The following ORC4 variants were observed in gnomAD, a reference collection of about 807,000 sequenced individuals.
The protein encoded by ORC4 is origin recognition complex subunit 4.
ORC4 carries 55 observed loss-of-function variants against 63.9 expected under a neutral mutation model. That is an observed-to-expected ratio of 0.86 (90% CI 0.69 to 1.08). The LOEUF is 1.08. ORC4 is among the 50% of genes least tolerant of loss of function. The pLI, the probability that ORC4 is intolerant of heterozygous loss-of-function variation, is 0.00. For synonymous variants in ORC4, 150 were observed against 168.5 expected, an observed-to-expected ratio of 0.89 and a Z score of 0.85; for missense variants, 511 against 504.4, an observed-to-expected ratio of 1.01 and a Z score of -0.13.
At chr2:147,958,622 C>G in intron 5 of ORC4, 169 bp downstream of exon 5, 2 of 575,258 alleles carry the variant, frequency 3.5e-6, no homozygotes, top group Non-Finnish European at 3.1e-6. Context: ...TCTGCGACTC[C>G]TTCATTATTA....
intron 13 of ORC4, 29 bp from the exon 14 acceptor site, chr2:147,935,727 G>C: frequency 6.4e-7 from 1 of 1,573,612 alleles, no homozygotes; most frequent in South Asian, 1.1e-5. Context: ...AGTTTAGGTT[G>C]AATAGGAGAG....
chr2:147,994,645 C>T (rs1691821707), intron 1 of ORC4, among the ~76,000 whole-genome samples: 1 of 152,194 alleles, frequency 6.6e-6, no homozygotes, highest in Non-Finnish European at 1.5e-5. Flanking sequence ...CATGCCAAAA[C>T]ATGAATTGAC....
chr2:148,014,820 T>A (rs1284870475), intron 1 of ORC4, among the ~76,000 whole-genome samples: 2 of 152,126 alleles, frequency 1.3e-5, no homozygotes, highest in African/African-American at 4.8e-5. Flanking sequence ...GTGTAGGCCG[T>A]ATGCAAACAT....
At chr2:148,003,920 A>G (rs551332304) in intron 1 of ORC4, among the ~76,000 whole-genome samples, 1 of 152,344 alleles carries the variant, frequency 6.6e-6, no homozygotes, top group African/African-American at 2.4e-5. Flanking sequence ...GTGTCAGGAT[A>G]CAAAATCAAT....
Position 147,975,993 on chromosome 2 carries a change from T to C in ORC4, c.-17-18A>G, listed in dbSNP as rs959406669. 6.0e-6 allele frequency: 7 copies of C among 1,166,360 alleles called. No individual in the cohort carries two copies. Among genetic ancestry groups the C allele is most frequent in the African/African-American group, 1.5e-5 (1 of 66,746 alleles). The allele number at this position is 1,166,360 out of a possible 1,614,324, so 72.3% of individuals were successfully genotyped here. On this transcript the variant is annotated intron_variant, in intron 1 of 13. Transcript: ENST00000392857. ...TTCAAATCCTTTAAAAAAATTGGCATAAATATTATAAACGTAGTGACTTAA... is the reference window on the plus strand; with the variant it reads ...TTCAAATCCTTTAAAAAAATTGGCACAAATATTATAAACGTAGTGACTTAA...
intron 1 of ORC4, among the ~76,000 whole-genome samples, chr2:148,003,091 G>C (rs2105439753): frequency 6.6e-6 from 1 of 152,124 alleles, no homozygotes; most frequent in South Asian, 2.1e-4. Flanking sequence ...TAGACCAATA[G>C]CAAGTTCTGA....
rs1687752918 is a variant in ORC4, at chr2:147,931,755, A to C, written c.*3755T>G. On this transcript the variant is annotated 3_prime_UTR_variant, in exon 14 of 14. Coordinates refer to ENST00000392857, the MANE Select transcript of ORC4 (RefSeq NM_181741.4). ...GAAAAAGCCTTTGACAAAATTCAAC[A>C]ACCCTTCATGCTAAAAACTCTCAAT... 1 of 152,114 alleles carries C rather than the reference A, an allele frequency of 6.6e-6. No individual in the cohort carries two copies. The highest frequency in any genetic ancestry group is 2.4e-5 in the African/African-American group (1 of 41,412). The allele number at this position is 152,114 out of a possible 1,614,324, so 9.4% of individuals were successfully genotyped here.
intron 4 of ORC4, among the ~76,000 whole-genome samples, chr2:147,967,507 GAA>G (rs889618584): frequency 6.9e-6 from 1 of 144,118 alleles, no homozygotes. Flanking sequence ...CAAACTACCC[GAA>G]AAAAAAAAAT....
At chr2:147,973,382 T>G in intron 3 of ORC4, 66 bp downstream of exon 3, 1 of 939,614 alleles carries the variant, frequency 1.1e-6, no homozygotes, top group Non-Finnish European at 1.8e-6. Context: ...TGTACAATAA[T>G]TTTTGCAAAA....
At position 147,938,404 on chromosome 2, in the gene ORC4, A is replaced by C. The variant is rs1382456612; in HGVS notation, c.959-11T>G. 6.8e-7 allele frequency: 1 copy of C among 1,465,570 alleles called. No individual in the cohort carries two copies. The highest frequency in any genetic ancestry group is 9.6e-7 in the Non-Finnish European group (1 of 1,046,536). The allele number at this position is 1,465,570 out of a possible 1,614,324, so 90.8% of individuals were successfully genotyped here. On this transcript the variant is annotated splice_polypyrimidine_tract_variant and intron_variant, in intron 11 of 13. Transcript: ENST00000392857. ...CCAAGACTGATAGACCTACAGTAAA[A>C]GGGAAAAAAAACTATCAGTTTAATG...
chr2:147,931,120 T>C lies in ORC4; in HGVS notation c.*4390A>G, dbSNP rs1301128246. ...GAATATGCGGTGTTTGGTTTTTTGTTCTTGTGATAGTTTACTGAGAATGAT... is the reference window on the plus strand; with the variant it reads ...GAATATGCGGTGTTTGGTTTTTTGTCCTTGTGATAGTTTACTGAGAATGAT... On this transcript the variant is annotated 3_prime_UTR_variant, in exon 14 of 14. Coordinates refer to ENST00000392857, the MANE Select transcript of ORC4 (RefSeq NM_181741.4). 1.3e-5 allele frequency: 2 copies of C among 149,388 alleles called. No individual in the cohort carries two copies. The highest frequency in any genetic ancestry group is 2.2e-4 in the South Asian group (1 of 4,606). 9.3% of individuals were successfully genotyped at this position (149,388 alleles called of 1,614,324 possible). A position where few individuals can be genotyped will look rare whatever the true frequency, so the allele number is the denominator to read the frequency against.
chr2:147,985,088 C>T (rs1228462697), intron 1 of ORC4, among the ~76,000 whole-genome samples: 1 of 152,172 alleles, frequency 6.6e-6, no homozygotes, highest in African/African-American at 2.4e-5. Flanking sequence ...AGATCCAAAC[C>T]CTCACTCAGA....
intron 1 of ORC4, among the ~76,000 whole-genome samples, chr2:147,981,014 C>T (rs1444331728): frequency 2.0e-5 from 3 of 152,134 alleles, no homozygotes; most frequent in Non-Finnish European, 4.4e-5. Flanking sequence ...GGTATATATA[C>T]ACAATAGAAC....
chr2:147,937,191 A>C (rs1230921761), intron 13 of ORC4, among the ~76,000 whole-genome samples: 1 of 152,128 alleles, frequency 6.6e-6, no homozygotes, highest in Non-Finnish European at 1.5e-5. Flanking sequence ...ACAAGAAATG[A>C]AATTCTGGTT....
In ORC4 at chr2:148,001,363, G is replaced by A. The variant is rs141405875; in HGVS notation, c.-18+19270C>T. Among the ~76,000 whole-genome samples the A allele has an allele frequency of 8.0e-3, 1,218 of 152,092 alleles. 13 individuals carry two copies. The highest frequency in any genetic ancestry group is 0.013 in the Non-Finnish European group (913 of 67,940). On this transcript the variant is annotated intron_variant, in intron 1 of 13. Coordinates refer to ENST00000392857, the MANE Select transcript of ORC4 (RefSeq NM_181741.4). ...ACTTGGCTTCTTATACTGCAGAGCC[G>A]AATGTTATTTTAGAAATTTAAAGCC...
chr2:147,963,360 C>G (rs1387684042), intron 4 of ORC4, among the ~76,000 whole-genome samples: 1 of 152,112 alleles, frequency 6.6e-6, no homozygotes, highest in Non-Finnish European at 1.5e-5. Flanking sequence ...GAAAAGTTCC[C>G]AGGCCAGCCA....
intron 1 of ORC4, among the ~76,000 whole-genome samples, chr2:148,017,366 T>C (rs1396106201): frequency 6.6e-6 from 1 of 152,260 alleles, no homozygotes; most frequent in Non-Finnish European, 1.5e-5. Context: ...ACTTGATCTA[T>C]ATTTTTATAT....
At chr2:148,010,030 T>C (rs1692855596) in intron 1 of ORC4, among the ~76,000 whole-genome samples, 1 of 152,060 alleles carries the variant, frequency 6.6e-6, no homozygotes, top group Admixed American at 6.6e-5. Flanking sequence ...GGAATAAAAG[T>C]AGAAATAAAT....
chr2:147,980,448 C>T (rs562545145), intron 1 of ORC4, among the ~76,000 whole-genome samples: 5 of 151,260 alleles, frequency 3.3e-5, no homozygotes, highest in South Asian at 4.2e-4. Flanking sequence ...ACCAGTTTCC[C>T]GTGGATACAG....
Sources: allele counts gnomAD v4.1 joint callset (sites outside exome capture counted in the v4.1 genomes callset), GRCh38; gene constraint gnomAD v4.1.1; transcripts MANE v1.5; gene names NCBI Gene and HGNC (gene_info 2026-07-23, HGNC 2026-07-21).